The following CBFA2T2 variants were observed in gnomAD, a reference collection of about 807,000 sequenced individuals.
CBFA2T2 encodes protein CBFA2T2.
CBFA2T2 carries 11 observed loss-of-function variants against 62.2 expected under a neutral mutation model. That is an observed-to-expected ratio of 0.18 (90% confidence interval 0.11 to 0.29). The LOEUF (loss-of-function observed/expected upper bound fraction) is 0.29, where lower values mean the gene tolerates loss of function less well. Ranked by LOEUF, CBFA2T2 falls within the 10% of genes least tolerant of loss-of-function variation. CBFA2T2 has a pLI of 1.00. For missense variants in CBFA2T2, 592 were observed against 774.1 expected (o/e 0.76, Z 2.79); for synonymous variants, 295 against 287.5 (o/e 1.03, Z -0.27).
At position 33,629,023 on chromosome 20, in the gene CBFA2T2, C is replaced by A. The variant is rs1183083934; in HGVS notation, c.1032+588C>A. On this transcript the variant is annotated intron_variant, in intron 7 of 10. Coordinates refer to ENST00000342704, the MANE Select transcript of CBFA2T2 (RefSeq NM_001032999.3). ...GCACATGCCTGTAGTCCCAGCTACT[C>A]GGGAAGCTAAGGCAGGAGGATCTCT... Among the ~76,000 whole-genome samples the A allele has an allele frequency of 2.6e-5, 4 of 152,268 alleles. No individual in the cohort carries two copies. The East Asian group carries it at 7.7e-4, about 29-fold the overall frequency.
intron 1 of CBFA2T2, among the ~76,000 whole-genome samples, chr20:33,517,660 C>G (rs558633757): frequency 2.7e-5 from 4 of 148,646 alleles, no homozygotes; most frequent in Non-Finnish European, 5.9e-5. Context: ...GTTAGTAGAG[C>G]CTAGGTTGGC....
intron 6 of CBFA2T2, 44 bp downstream of exon 6, chr20:33,625,061 G>A (rs753173719): frequency 1.9e-6 from 3 of 1,576,998 alleles, no homozygotes; most frequent in African/African-American, 1.4e-5. Context: ...TGGATTCTTG[G>A]ATTTCTTTCC....
intron 1 of CBFA2T2, among the ~76,000 whole-genome samples, chr20:33,496,003 G>A (rs562061887): frequency 2.9e-4 from 44 of 152,304 alleles, no homozygotes; most frequent in African/African-American, 1.1e-3. Flanking sequence ...TAGGGTCTCA[G>A]TCTAGGAGGG....
chr20:33,556,622 A>AC (rs2012902919), intron 1 of CBFA2T2, among the ~76,000 whole-genome samples: 1 of 151,888 alleles, frequency 6.6e-6, no homozygotes, highest in East Asian at 1.9e-4. Flanking sequence ...TTTTGTAGAG[A>AC]CAAGGTCTCA....
chr20:33,587,111 C>T (rs1414550274), intron 1 of CBFA2T2, among the ~76,000 whole-genome samples: 1 of 151,002 alleles, frequency 6.6e-6, no homozygotes, highest in Non-Finnish European at 1.5e-5. Context: ...CTGGCGAATT[C>T]GATGGCATCT....
At chr20:33,573,774 C>T (rs563207560) in intron 1 of CBFA2T2, among the ~76,000 whole-genome samples, 1 of 152,060 alleles carries the variant, frequency 6.6e-6, no homozygotes, top group South Asian at 2.1e-4. Context: ...GCCACCACAC[C>T]CGGCCCTATT....
chr20:33,550,608 GTTATTTAT>G lies in CBFA2T2; in HGVS notation c.35-56327_35-56320del, dbSNP rs55635841. ...ACTCAAAGTCTGAAGTACTAATGTG[GTTATTTAT>G]TTATTTATTTATTTATTTATGTAGA... On this transcript the variant is annotated intron_variant, in intron 1 of 10. Transcript: ENST00000342704. Among the ~76,000 whole-genome samples the G allele has an allele frequency of 3.9e-4, 59 of 150,204 alleles. No homozygotes were observed. In the East Asian group the frequency reaches 9.6e-3, roughly 24 times the overall value.
At chr20:33,599,441 T>A (rs2015028799) in intron 1 of CBFA2T2, among the ~76,000 whole-genome samples, 1 of 152,240 alleles carries the variant, frequency 6.6e-6, no homozygotes, top group Non-Finnish European at 1.5e-5. Flanking sequence ...AATGATAAAT[T>A]AATTTTCCAG....
chr20:33,632,471 CT>C (rs60957531), intron 8 of CBFA2T2, among the ~76,000 whole-genome samples: 1,602 of 137,708 alleles, frequency 0.012, 6 homozygotes, highest in East Asian at 0.043. Context: ...TCACCAATGA[CT>C]TTTTTTTTTT....
At chr20:33,623,086 C>T in intron 4 of CBFA2T2, 29 bp from the exon 5 acceptor site, 1 of 1,612,980 alleles carries the variant, frequency 6.2e-7, no homozygotes, top group Non-Finnish European at 8.5e-7. Flanking sequence ...TAGGGCCTAA[C>T]ACTGGAAAAA....
intron 1 of CBFA2T2, among the ~76,000 whole-genome samples, chr20:33,569,646 C>T (rs2146901206): frequency 6.6e-6 from 1 of 152,252 alleles, no homozygotes; most frequent in Middle Eastern, 3.4e-3. Context: ...GTCAATAGCC[C>T]AGGAAATCAA....
rs192388825 is a variant in CBFA2T2, at chr20:33,620,553, C to T, written c.510+947C>T. On this transcript the variant is annotated intron_variant, in intron 4 of 10. Coordinates refer to ENST00000342704, the MANE Select transcript of CBFA2T2 (RefSeq NM_001032999.3). Reference sequence around the variant, plus strand: ...AAAAAAGAAATATTTAAGAGTAAGCCGCAAGGCCGGGTGTGGTGGCTCACG... The same window carrying T: ...AAAAAAGAAATATTTAAGAGTAAGCTGCAAGGCCGGGTGTGGTGGCTCACG... 3.3e-4 allele frequency among the ~76,000 whole-genome samples: 50 copies of T among 151,072 alleles called. 1 individual carries two copies. The highest frequency in any genetic ancestry group is 9.5e-4 in the African/African-American group (39 of 41,182).
At chr20:33,531,431 G>A (rs1309148858) in intron 1 of CBFA2T2, among the ~76,000 whole-genome samples, 1 of 152,146 alleles carries the variant, frequency 6.6e-6, no homozygotes, top group Non-Finnish European at 1.5e-5. Flanking sequence ...CTGTGTTTAG[G>A]ATTTTGAAAT....
Position 33,640,483 on chromosome 20 carries a change from C to A in CBFA2T2, c.1440C>A (p.Ala480=). The stretch of plus-strand genomic sequence containing the variant: ...CCATAGCGGATGTCAAGCGGCAGGC[C>A]GCAGAGGATGCTTTCCTCGTCATCA... The part of the protein sequence containing the change: ...EQTIADVKRQ[A]AEDAFLVINE... Residue 480 remains alanine (A), a synonymous_variant, in exon 10 of 11, where the codon GCC becomes GCA. Coordinates refer to ENST00000342704, the MANE Select transcript of CBFA2T2 (RefSeq NM_001032999.3). 6.2e-7 allele frequency: 1 copy of A among 1,614,196 alleles called. No homozygotes were observed.
intron 1 of CBFA2T2, among the ~76,000 whole-genome samples, chr20:33,588,711 C>G (rs2014484576): frequency 6.6e-6 from 1 of 152,124 alleles, no homozygotes; most frequent in Non-Finnish European, 1.5e-5. Context: ...CTTTGGGAAG[C>G]TGAGCCAGGT....
chr20:33,496,224 G>C (rs1474082454), intron 1 of CBFA2T2, among the ~76,000 whole-genome samples: 1 of 152,162 alleles, frequency 6.6e-6, no homozygotes, highest in Non-Finnish European at 1.5e-5. Flanking sequence ...GTAGTTGAGG[G>C]CTTGGTGAGT....
intron 1 of CBFA2T2, among the ~76,000 whole-genome samples, chr20:33,560,887 C>CT (rs928112771): frequency 1.5e-3 from 233 of 151,254 alleles, no homozygotes; most frequent in African/African-American, 5.0e-3. Context: ...TTTGCTTTTG[C>CT]TTTTTTTTTG....
At chr20:33,640,892 A>C (rs2016810730) in intron 10 of CBFA2T2, among the ~76,000 whole-genome samples, 1 of 152,148 alleles carries the variant, frequency 6.6e-6, no homozygotes, top group African/African-American at 2.4e-5. Context: ...GACACCCAGC[A>C]AAGTTGTATA....
chr20:33,640,383 T>C lies in CBFA2T2; in HGVS notation c.1340T>C (p.Val447Ala). The C allele has an allele frequency of 6.2e-7, 1 of 1,614,228 alleles. No individual in the cohort carries two copies. The highest frequency in any genetic ancestry group is 8.5e-7 in the Non-Finnish European group (1 of 1,180,032). The stretch of plus-strand genomic sequence containing the variant: ...GTGAAAATTCAGGCCATGTCAGAAG[T>C]ACAGAAGGCCGTCGCTGAGGCAGAG... Reference protein sequence around the residue: ...NKVKIQAMSEVQKAVAEAEQK... With the variant: ...NKVKIQAMSEAQKAVAEAEQK... The change falls in exon 10 of 11, where the codon GTA (valine) becomes GCA (alanine). Residue 447 changes from valine to alanine, a missense_variant. By Grantham distance (64) the Val-to-Ala change is moderately conservative. This residue lies in a region of CBFA2T2 where 58 missense variants were observed against 123.9 expected (regional missense o/e 0.47). Coordinates refer to ENST00000342704, the MANE Select transcript of CBFA2T2 (RefSeq NM_001032999.3).
Sources: gnomAD v4.1 joint callset for allele counts (sites outside exome capture counted in the v4.1 genomes callset) on GRCh38, gnomAD v4.1.1 for gene constraint, gnomAD v4.1.1 regional missense constraint, MANE v1.5 for transcripts, NCBI Gene and HGNC (gene_info 2026-07-23, HGNC 2026-07-21) for gene names.